Variants in GABRG1 observed in about 807,000 individuals in gnomAD.
The protein encoded by GABRG1 is gamma-aminobutyric acid receptor subunit gamma-1.
In GABRG1, 49 loss-of-function variants were observed where a neutral mutation model predicts 49.8. The ratio of observed to expected loss-of-function variants is 0.98; its 90% confidence interval spans 0.78 to 1.25. GABRG1 has a LOEUF of 1.25. GABRG1 is among the 50% of genes most tolerant of loss of function. GABRG1 has a pLI of 0.00. For synonymous variants in GABRG1, 232 were observed against 185.1 expected, an observed-to-expected ratio of 1.25 and a Z score of -2.06; for missense variants, 552 against 552.3, an observed-to-expected ratio of 1.00 and a Z score of 0.01.
At position 46,058,282 on chromosome 4, in the gene GABRG1, G is replaced by A; in HGVS notation, c.851C>T (p.Thr284Ile). The A allele has an allele frequency of 6.2e-7, 1 of 1,613,230 alleles. No individual in the cohort carries two copies. The highest frequency in any genetic ancestry group is 8.5e-7 in the Non-Finnish European group (1 of 1,179,500). Reference protein sequence around the residue: ...TIQTYIPCILTVVLSWVSFWI... With the variant: ...TIQTYIPCILIVVLSWVSFWI... ...AAAAGACACCCAAGAAAGAACAACT[G>A]TCAGAATGCATGGAATGTAGGTCTG... The change falls in exon 7 of 9, where the codon ACA becomes ATA. Residue 284 changes from threonine (T) to isoleucine (I), a missense_variant. Physicochemically the swap from Thr to Ile is moderately conservative, Grantham distance 89. Transcript: ENST00000295452.
chr4:46,040,402 T>C lies in GABRG1; in HGVS notation c.*586A>G, dbSNP rs1385984029. 4 of 152,380 alleles carry C rather than the reference T, an allele frequency of 2.6e-5. No homozygotes were observed. The highest frequency in any genetic ancestry group is 6.6e-5 in the Admixed American group (1 of 15,178). The allele number at this position is 152,380 out of a possible 1,614,324, so 9.4% of individuals were successfully genotyped here. A position where few individuals can be genotyped will look rare whatever the true frequency, so the allele number is the denominator to read the frequency against. On this transcript the variant is annotated 3_prime_UTR_variant, in exon 9 of 9. Coordinates refer to ENST00000295452, the MANE Select transcript of GABRG1 (RefSeq NM_173536.4). ...GACTGGATTAAAAGACAGGTAAAAA[T>C]TGACCTTTTCATAAGTCTTCAGTAA...
chr4:46,085,577 T>A (rs1278983852), intron 2 of GABRG1, among the ~76,000 whole-genome samples: 2 of 151,548 alleles, frequency 1.3e-5, no homozygotes, highest in Non-Finnish European at 1.5e-5. Context: ...GATCCTTGAA[T>A]CTGCAGCAGC....
At chr4:46,082,265 GT>G (rs1719604390) in intron 3 of GABRG1, among the ~76,000 whole-genome samples, 1 of 151,552 alleles carries the variant, frequency 6.6e-6, no homozygotes, top group Non-Finnish European at 1.5e-5. Flanking sequence ...CACTTTCTCA[GT>G]TTTCATTCTA....
rs368597672 is a variant in GABRG1 at position 46,097,325 on chromosome 4, A to T, written c.129T>A (p.Asp43Glu). 9.3e-6 allele frequency: 15 copies of T among 1,609,188 alleles called. No individual in the cohort carries two copies. The East Asian group carries it at 3.4e-4, about 36-fold the overall frequency. ...TTTTGTTCACCGTTAAATCCTCATC[A>T]TCTTCATCATCTGCCTTATCAACAC... is the stretch of plus-strand genomic sequence containing the variant. ...GNCVDKADDEDDEDLTVNKTW... is the reference protein window; with the variant it reads ...GNCVDKADDEEDEDLTVNKTW... Residue 43 changes from aspartate to glutamate, a missense_variant, in exon 2 of 9, where the codon GAT becomes GAA. Asp to Glu is a conservative substitution (Grantham distance 45). Coordinates refer to ENST00000295452, the MANE Select transcript of GABRG1 (RefSeq NM_173536.4).
intron 1 of GABRG1, among the ~76,000 whole-genome samples, chr4:46,116,579 G>A (rs1720893866): frequency 1.3e-5 from 2 of 150,734 alleles, no homozygotes; most frequent in South Asian, 4.1e-4. Flanking sequence ...TCTGAAGGCA[G>A]AAACATATAT....
chr4:46,084,252 T>C (rs1719673036), intron 2 of GABRG1, among the ~76,000 whole-genome samples, 199 bp from the exon 3 acceptor site: 1 of 151,724 alleles, frequency 6.6e-6, no homozygotes. Context: ...GATAATTATA[T>C]AGAGATAAAG....
Position 46,058,474 on chromosome 4 carries a change from A to C in GABRG1, c.763+11T>G. On this transcript the variant is annotated intron_variant, in intron 6 of 8. Transcript: ENST00000295452. ...GCTAGCATCATTTCACTATTTGAGTATTCTTTTTACCAGAGATCGTGTGAG... is the reference window on the plus strand; with the variant it reads ...GCTAGCATCATTTCACTATTTGAGTCTTCTTTTTACCAGAGATCGTGTGAG... 2 of 1,610,890 alleles carry C rather than the reference A, an allele frequency of 1.2e-6. No individual in the cohort carries two copies. The highest frequency in any genetic ancestry group is 1.1e-5 in the South Asian group (1 of 90,462).
chr4:46,086,323 G>A (rs1719750751), intron 2 of GABRG1, among the ~76,000 whole-genome samples: 1 of 151,566 alleles, frequency 6.6e-6, no homozygotes, highest in Admixed American at 6.6e-5. Context: ...ATTCCAAGTA[G>A]CAAAGGCAAT....
At chr4:46,045,780 T>G (rs752704619) in intron 8 of GABRG1, among the ~76,000 whole-genome samples, 16 of 152,024 alleles carry the variant, frequency 1.1e-4, no homozygotes, top group Non-Finnish European at 2.2e-4. Context: ...TTGGCCAGGA[T>G]GGACTCAATC....
At chr4:46,090,429 T>A (rs1272293195) in intron 2 of GABRG1, among the ~76,000 whole-genome samples, 1 of 152,040 alleles carries the variant, frequency 6.6e-6, no homozygotes, top group Non-Finnish European at 1.5e-5. Context: ...ATTCTACAAA[T>A]ACTTGGTAAA....
chr4:46,119,278 C>T (rs765109418), intron 1 of GABRG1, among the ~76,000 whole-genome samples: 1 of 145,354 alleles, frequency 6.9e-6, no homozygotes, highest in Non-Finnish European at 1.5e-5. Context: ...CTCTTCTCTT[C>T]TCCTCTTTTT....
chr4:46,059,998 T>C (rs1467222840), intron 5 of GABRG1, among the ~76,000 whole-genome samples: 1 of 152,192 alleles, frequency 6.6e-6, no homozygotes, highest in Non-Finnish European at 1.5e-5. Flanking sequence ...TAGATACTAG[T>C]CCTTTGTTAA....
At chr4:46,114,494 T>C (rs1720824254) in intron 1 of GABRG1, among the ~76,000 whole-genome samples, 1 of 150,942 alleles carries the variant, frequency 6.6e-6, no homozygotes, top group African/African-American at 2.4e-5. Context: ...AATTAATTAC[T>C]TATTTATTTA....
chr4:46,068,834 A>G (rs572340108), intron 3 of GABRG1, among the ~76,000 whole-genome samples: 29 of 152,196 alleles, frequency 1.9e-4, no homozygotes, highest in Non-Finnish European at 3.2e-4. Context: ...CAAAAGAAAA[A>G]CATAAAATCG....
At chr4:46,108,517 T>C (rs1412707271) in intron 1 of GABRG1, among the ~76,000 whole-genome samples, 1 of 151,116 alleles carries the variant, frequency 6.6e-6, no homozygotes, top group African/African-American at 2.4e-5. Context: ...CTCACAATGA[T>C]CTAATGACAG....
intron 1 of GABRG1, among the ~76,000 whole-genome samples, chr4:46,114,738 T>G (rs1456576945): frequency 6.6e-6 from 1 of 151,008 alleles, no homozygotes; most frequent in African/African-American, 2.4e-5. Context: ...AAACTATAAC[T>G]GTGGTCCTTA....
chr4:46,095,464 C>T (rs1019394445), intron 2 of GABRG1, among the ~76,000 whole-genome samples: 2 of 151,546 alleles, frequency 1.3e-5, no homozygotes, highest in Non-Finnish European at 3.0e-5. Flanking sequence ...AATTGAACAG[C>T]TCTGAAACAT....
intron 1 of GABRG1, among the ~76,000 whole-genome samples, chr4:46,119,013 T>C (rs1721016965): frequency 6.6e-6 from 1 of 151,336 alleles, no homozygotes; most frequent in South Asian, 2.1e-4. Context: ...CATGATTATA[T>C]ATAGCATCCT....
At chr4:46,060,813 G>C (rs755194627) in intron 5 of GABRG1, among the ~76,000 whole-genome samples, 1 of 151,990 alleles carries the variant, frequency 6.6e-6, no homozygotes, top group African/African-American at 2.4e-5. Context: ...AAGTTTTAGA[G>C]TCAATAGAGG....
Sources: allele counts gnomAD v4.1 joint callset (sites outside exome capture counted in the v4.1 genomes callset), GRCh38; gene constraint gnomAD v4.1.1; transcripts MANE v1.5; gene names NCBI Gene and HGNC (gene_info 2026-07-23, HGNC 2026-07-21).